Variants in ZNF143 observed in about 807,000 individuals in gnomAD.
ZNF143 encodes zinc finger protein 143, also known as SPH-binding factor.
A neutral mutation model predicts 74.1 loss-of-function variants in ZNF143; 49 were observed. That is an observed-to-expected ratio of 0.66 (90% CI 0.53 to 0.84). The LOEUF (loss-of-function observed/expected upper bound fraction) is 0.84, where lower values mean the gene tolerates loss of function less well. Ranked by LOEUF, ZNF143 falls within the 40% of genes least tolerant of loss-of-function variation. The probability of loss-of-function intolerance (pLI) is 0.00; values close to 1 mark genes in which losing one functional copy is unlikely to be tolerated. For missense variants in ZNF143, 637 were observed against 793.4 expected, an observed-to-expected ratio of 0.80 and a Z score of 2.37; for synonymous variants, 304 against 282.8, an observed-to-expected ratio of 1.07 and a Z score of -0.75.
At chr11:9,461,316 T>TC (rs1037411573) in intron 1 of ZNF143, among the ~76,000 whole-genome samples, 2 of 151,924 alleles carry the variant, frequency 1.3e-5, no homozygotes, top group Admixed American at 6.5e-5. Context: ...AGGACTCAAC[T>TC]CCCCCCAGCT....
chr11:9,525,421 C>T, intron 15 of ZNF143, 35 bp downstream of exon 15: 1 of 1,613,266 alleles, frequency 6.2e-7, no homozygotes, highest in Non-Finnish European at 8.5e-7. Flanking sequence ...CAGTCGACAG[C>T]AGTGCTGCTC....
At chr11:9,526,686 CCTG>C (rs1275446338) in intron 15 of ZNF143, among the ~76,000 whole-genome samples, 1 of 151,916 alleles carries the variant, frequency 6.6e-6, no homozygotes, top group Non-Finnish European at 1.5e-5. Flanking sequence ...AAGTGATCCT[CCTG>C]CCTCAGCCTC....
intron 14 of ZNF143, among the ~76,000 whole-genome samples, chr11:9,522,314 C>T (rs1479382219): frequency 6.6e-6 from 1 of 151,990 alleles, no homozygotes; most frequent in Admixed American, 6.6e-5. Flanking sequence ...TGGCCTCAAA[C>T]TCCTGGGCTT....
intron 5 of ZNF143, among the ~76,000 whole-genome samples, chr11:9,476,746 C>CTTTT (rs869069237): frequency 0.03 from 1,040 of 34,836 alleles, 326 homozygotes; most frequent in Middle Eastern, 0.062. Context: ...AGGGAGGAAT[C>CTTTT]TTTTTTTTTT....
chr11:9,497,587 A>G, intron 9 of ZNF143, 88 bp from the exon 10 acceptor site: 1 of 1,026,076 alleles, frequency 9.7e-7, no homozygotes, highest in Non-Finnish European at 1.4e-6. Context: ...TATACTTGGT[A>G]TTGACTATAT....
At chr11:9,467,823 G>A (rs1464830274) in intron 1 of ZNF143, among the ~76,000 whole-genome samples, 3 of 129,988 alleles carry the variant, frequency 2.3e-5, no homozygotes, top group Non-Finnish European at 3.1e-5. Flanking sequence ...TGGCCTGGGC[G>A]ACAAGAGTGA....
intron 14 of ZNF143, among the ~76,000 whole-genome samples, chr11:9,518,798 C>T (rs1848812181): frequency 6.6e-6 from 1 of 151,640 alleles, no homozygotes; most frequent in African/African-American, 2.4e-5. Flanking sequence ...TTTTAAGCTG[C>T]TTGTTACATA....
intron 7 of ZNF143, among the ~76,000 whole-genome samples, chr11:9,486,412 A>AATATATATT (rs1397596812): frequency 0.48 from 9,065 of 18,994 alleles, 2,198 homozygotes; most frequent in East Asian, 0.81. Context: ...TTATATATAT[A>AATATATATT]ATATATATTA....
intron 7 of ZNF143, among the ~76,000 whole-genome samples, chr11:9,486,419 ATT>A (rs1491396737): frequency 8.6e-5 from 3 of 34,928 alleles, no homozygotes; most frequent in South Asian, 6.3e-4. Context: ...TATAATATAT[ATT>A]ATATATATTA....
intron 14 of ZNF143, among the ~76,000 whole-genome samples, chr11:9,519,275 G>A (rs977953112): frequency 2.6e-5 from 4 of 151,038 alleles, no homozygotes; most frequent in Non-Finnish European, 5.9e-5. Context: ...GCAGTGGCAC[G>A]TTCTCAGCTC....
chr11:9,492,256 A>G (rs781269103), intron 7 of ZNF143, among the ~76,000 whole-genome samples: 2 of 152,032 alleles, frequency 1.3e-5, no homozygotes, highest in Non-Finnish European at 2.9e-5. Flanking sequence ...AATCACAAGC[A>G]CATGCCACAG....
chr11:9,517,150 A>G (rs1589946054), intron 14 of ZNF143, among the ~76,000 whole-genome samples: 2 of 150,564 alleles, frequency 1.3e-5, no homozygotes, highest in South Asian at 4.2e-4. Context: ...TTGGCCTCCC[A>G]AAGTGCTGGG....
intron 15 of ZNF143, among the ~76,000 whole-genome samples, chr11:9,525,956 A>G (rs1480215283): frequency 6.6e-6 from 1 of 152,140 alleles, no homozygotes; most frequent in African/African-American, 2.4e-5. Flanking sequence ...AGCCTGGGCA[A>G]CATGGTGAAA....
At chr11:9,494,268 T>C (rs1847883027) in intron 7 of ZNF143, among the ~76,000 whole-genome samples, 1 of 152,164 alleles carries the variant, frequency 6.6e-6, no homozygotes. Flanking sequence ...TTTTTAATTC[T>C]GAAAATCATA....
At chr11:9,501,925 CTTT>C (rs57169874) in intron 11 of ZNF143, among the ~76,000 whole-genome samples, 33 of 37,404 alleles carry the variant, frequency 8.8e-4, no homozygotes, top group African/African-American at 1.5e-3. Flanking sequence ...TGGATATATT[CTTT>C]TTTTTTTTTT....
intron 9 of ZNF143, 109 bp from the exon 10 acceptor site, chr11:9,497,566 G>T: frequency 1.2e-6 from 1 of 861,602 alleles, no homozygotes; most frequent in South Asian, 1.9e-5. Flanking sequence ...CTGTGTATTT[G>T]CCTGATATTT....
chr11:9,474,627 T>A lies in ZNF143; in HGVS notation c.367T>A (p.Ser123Thr). ...DGTTAFIHHT[S>T]KDSYDQSALQ... ...TACCACAGCATTTATTCACCACACCTCCAAAGGTAAAATAACTTTGAAAGT... is the reference window on the plus strand; with the variant it reads ...TACCACAGCATTTATTCACCACACCACCAAAGGTAAAATAACTTTGAAAGT... Residue 123 changes from serine (S) to threonine (T), a missense_variant, in exon 5 of 16, where the codon TCC becomes ACC. This residue lies in a region of ZNF143 where 293 missense variants were observed against 307.8 expected (regional missense o/e 0.95). Coordinates refer to ENST00000396602, the MANE Select transcript of ZNF143 (RefSeq NM_003442.6). 6.2e-7 allele frequency: 1 copy of A among 1,613,846 alleles called. No homozygotes were observed. The highest frequency in any genetic ancestry group is 8.5e-7 in the Non-Finnish European group (1 of 1,179,884).
At chr11:9,496,944 T>G (rs748340785) in intron 9 of ZNF143, among the ~76,000 whole-genome samples, 1 of 152,166 alleles carries the variant, frequency 6.6e-6, no homozygotes, top group Non-Finnish European at 1.5e-5. Flanking sequence ...TCTGTTTATT[T>G]TAGCGGGAAA....
chr11:9,497,017 A>T (rs916140984), intron 9 of ZNF143, among the ~76,000 whole-genome samples: 3 of 152,184 alleles, frequency 2.0e-5, no homozygotes, highest in Non-Finnish European at 4.4e-5. Flanking sequence ...TAGCAATGGG[A>T]TGAGGCCTTT....
Sources: allele counts gnomAD v4.1 joint callset (sites outside exome capture counted in the v4.1 genomes callset), GRCh38; gene constraint gnomAD v4.1.1; regional missense constraint gnomAD v4.1.1; transcripts MANE v1.5; gene names NCBI Gene and HGNC (gene_info 2026-07-23, HGNC 2026-07-21).